Variants in FOXO3 observed in about 807,000 individuals in gnomAD.
FOXO3 encodes forkhead box O3.
A neutral mutation model predicts 41.9 loss-of-function variants in FOXO3; 4 were observed. That is an observed-to-expected ratio of 0.10 (90% CI 0.05 to 0.22). FOXO3 has a LOEUF of 0.22. Among genes scored for constraint, FOXO3 ranks in the 10% least tolerant of loss-of-function variants. The pLI, the probability that FOXO3 is intolerant of heterozygous loss-of-function variation, is 1.00. For missense variants in FOXO3, 534 were observed against 906.8 expected, an observed-to-expected ratio of 0.59 and a Z score of 5.28; for synonymous variants, 318 against 389.3, an observed-to-expected ratio of 0.82 and a Z score of 2.16.
rs1294936550 is a variant in FOXO3, at chr6:108,681,523, TG to T, written c.*1736del. On this transcript the variant is annotated 3_prime_UTR_variant, in exon 3 of 3. Coordinates refer to ENST00000406360, the MANE Select transcript of FOXO3 (RefSeq NM_001455.4). The stretch of plus-strand genomic sequence containing the variant: ...GTGCGCCTTGGCTTTATAACTCCTC[TG>T]GGGGTGATATTGGTGGTGATCACAG... The T allele has an allele frequency of 2.0e-5, 3 of 151,530 alleles. No homozygotes were observed. Among genetic ancestry groups the T allele is most frequent in the Admixed American group, 1.3e-4 (2 of 15,200 alleles). 9.4% of individuals were successfully genotyped at this position (151,530 alleles called of 1,614,324 possible).
At chr6:108,563,329 A>G (rs962581695) in intron 1 of FOXO3, among the ~76,000 whole-genome samples, 1 of 152,244 alleles carries the variant, frequency 6.6e-6, no homozygotes, top group Non-Finnish European at 1.5e-5. Context: ...CTTTTAACAA[A>G]TGCTTACATT....
rs561902434 is a variant in FOXO3 at position 108,607,589 on chromosome 6, T to C, written c.621+45760T>C. ...ATGTGCTTGTTTCTAACCCTGTTTT[T>C]CTTGCTCTGTTTAGATGTCTAGATG... On this transcript the variant is annotated intron_variant, in intron 1 of 2. Coordinates refer to ENST00000406360, the MANE Select transcript of FOXO3 (RefSeq NM_001455.4). Among the ~76,000 whole-genome samples the C allele has an allele frequency of 3.3e-5, 5 of 152,350 alleles. No homozygotes were observed. In the South Asian group the frequency reaches 6.2e-4, roughly 19 times the overall value.
At chr6:108,642,897 C>T (rs1339513110) in intron 1 of FOXO3, among the ~76,000 whole-genome samples, 3 of 152,170 alleles carry the variant, frequency 2.0e-5, no homozygotes, top group African/African-American at 7.2e-5. Context: ...TTAGTGGTTC[C>T]GTAAAGCTAA....
At chr6:108,638,707 T>G (rs80171029) in intron 1 of FOXO3, among the ~76,000 whole-genome samples, 7,452 of 152,232 alleles carry the variant, frequency 0.049, 473 homozygotes, top group African/African-American at 0.15. Flanking sequence ...CATTGTGGAA[T>G]TTTTGCTTTT....
intron 1 of FOXO3, among the ~76,000 whole-genome samples, chr6:108,616,714 T>C (rs1214306515): frequency 1.3e-5 from 2 of 152,232 alleles, no homozygotes; most frequent in African/African-American, 4.8e-5. Context: ...TGCAACTATC[T>C]GTTGTGCAAC....
rs113850596 is a variant in FOXO3, at chr6:108,597,580, A to G, written c.621+35751A>G. Among the ~76,000 whole-genome samples the G allele has an allele frequency of 1.3e-3, 198 of 152,332 alleles. 1 individual carries two copies. Among genetic ancestry groups the G allele is most frequent in the Admixed American group, 3.6e-3 (55 of 15,302 alleles). ...TCTGTTGGCTAAATTTAAGCTGTCA[A>G]TACAGGGCAAAAGGGTACTTTGATT... On this transcript the variant is annotated intron_variant, in intron 1 of 2. Transcript: ENST00000406360.
intron 1 of FOXO3, among the ~76,000 whole-genome samples, chr6:108,650,394 A>G (rs1778515148): frequency 6.6e-6 from 1 of 152,122 alleles, no homozygotes; most frequent in South Asian, 2.1e-4. Context: ...TGAGGCACCC[A>G]GTTATAGGAA....
rs116089427 is a variant in FOXO3 at position 108,623,815 on chromosome 6, C to G, written c.622-39640C>G. Among the ~76,000 whole-genome samples the G allele has an allele frequency of 1.7e-3, 263 of 152,312 alleles. 1 individual carries two copies. The highest frequency in any genetic ancestry group is 6.3e-3 in the African/African-American group (260 of 41,568). ...TCCTCCTCTTATAATGCTAACTGCT[C>G]TTAATATTTCCTTCTTAATGAACAG... On this transcript the variant is annotated intron_variant, in intron 1 of 2. Coordinates refer to ENST00000406360, the MANE Select transcript of FOXO3 (RefSeq NM_001455.4).
At position 108,620,630 on chromosome 6, in the gene FOXO3, T is replaced by C. The variant is rs575939371; in HGVS notation, c.622-42825T>C. On this transcript the variant is annotated intron_variant, in intron 1 of 2. Coordinates refer to ENST00000406360, the MANE Select transcript of FOXO3 (RefSeq NM_001455.4). ...GAGAATGAGAACATCAAGTCATTAT[T>C]TATCTTGGAAAGAACGAATAATTTG... is the stretch of plus-strand genomic sequence containing the variant. Among the ~76,000 whole-genome samples the C allele has an allele frequency of 5.9e-5, 9 of 152,150 alleles. No individual in the cohort carries two copies. In the South Asian group the frequency reaches 1.5e-3, roughly 25 times the overall value.
At chr6:108,654,522 A>C (rs1778632956) in intron 1 of FOXO3, among the ~76,000 whole-genome samples, 1 of 152,122 alleles carries the variant, frequency 6.6e-6, no homozygotes, top group African/African-American at 2.4e-5. Context: ...TAGAAAATTG[A>C]TTCATTATTC....
chr6:108,649,330 T>G (rs569796594), intron 1 of FOXO3, among the ~76,000 whole-genome samples: 25 of 152,226 alleles, frequency 1.6e-4, no homozygotes, highest in African/African-American at 6.0e-4. Flanking sequence ...CTTTCAAGGC[T>G]GCTCACTGTG....
chr6:108,656,330 C>T, intron 1 of FOXO3: 1 of 984,096 alleles, frequency 1.0e-6, no homozygotes, highest in Non-Finnish European at 1.2e-6. Flanking sequence ...GAAGCACATG[C>T]AGCTGGTGTC....
intron 1 of FOXO3, among the ~76,000 whole-genome samples, chr6:108,611,961 G>C (rs535569837): frequency 2.0e-5 from 3 of 151,986 alleles, no homozygotes; most frequent in Non-Finnish European, 4.4e-5. Flanking sequence ...TGACACCTTC[G>C]TGTATTTCTA....
chr6:108,574,462 A>C (rs1426124075), intron 1 of FOXO3, among the ~76,000 whole-genome samples: 3 of 152,206 alleles, frequency 2.0e-5, no homozygotes, highest in Admixed American at 1.3e-4. Flanking sequence ...AGGCAGCAAC[A>C]TCAAGAAAAG....
At chr6:108,618,383 G>A (rs1295386470) in intron 1 of FOXO3, 10 of 524,796 alleles carry the variant, frequency 1.9e-5, no homozygotes, top group Middle Eastern at 5.4e-4. Context: ...ACAGAAGAAG[G>A]AGGCAGCAGC....
At chr6:108,679,139 G>A (rs1030026846) in intron 2 of FOXO3, among the ~76,000 whole-genome samples, 3 of 152,092 alleles carry the variant, frequency 2.0e-5, no homozygotes, top group Non-Finnish European at 4.4e-5. Context: ...CGAAAGTGCT[G>A]GGATTACAGG....
At chr6:108,609,946 C>CA (rs1158829130) in intron 1 of FOXO3, among the ~76,000 whole-genome samples, 2 of 152,118 alleles carry the variant, frequency 1.3e-5, no homozygotes, top group Non-Finnish European at 2.9e-5. Flanking sequence ...TACATGCACA[C>CA]ATATGTACAT....
chr6:108,582,712 G>T lies in FOXO3; in HGVS notation c.621+20883G>T, dbSNP rs1476251825. On this transcript the variant is annotated intron_variant, in intron 1 of 2. Transcript: ENST00000406360. ...TATTTTTTCTCTTGTTTTTGAGTGT[G>T]TAGCTGTATATTAAGATGGGAAAGC... 4.0e-5 allele frequency among the ~76,000 whole-genome samples: 6 copies of T among 151,808 alleles called. No individual in the cohort carries two copies. In the East Asian group the frequency reaches 9.7e-4, roughly 24 times the overall value.
At chr6:108,666,216 G>T (rs1025149697) in intron 2 of FOXO3, among the ~76,000 whole-genome samples, 9 of 152,178 alleles carry the variant, frequency 5.9e-5, no homozygotes, top group Non-Finnish European at 1.0e-4. Flanking sequence ...TGAAACTGCA[G>T]TAGGCTGAAA....
Sources: gnomAD v4.1 joint callset for allele counts (sites outside exome capture counted in the v4.1 genomes callset) on GRCh38, gnomAD v4.1.1 for gene constraint, MANE v1.5 for transcripts, NCBI Gene and HGNC (gene_info 2026-07-23, HGNC 2026-07-21) for gene names.